The following EEFSEC variants were observed in gnomAD, a reference collection of about 807,000 sequenced individuals.
EEFSEC encodes the protein selenocysteine-specific elongation factor.
Under a neutral mutation model 42.1 loss-of-function variants are expected in EEFSEC, and 43 were observed. That is an observed-to-expected ratio of 1.02 (90% confidence interval 0.80 to 1.32). EEFSEC has a LOEUF of 1.32. Among genes scored for constraint, EEFSEC ranks in the 40% most tolerant of loss-of-function variants. EEFSEC has a pLI of 0.00. For missense variants in EEFSEC, 745 were observed against 803.6 expected (o/e 0.93, Z 0.88); for synonymous variants, 354 against 339.1 (o/e 1.04, Z -0.48).
chr3:128,169,378 A>G (rs1251427252), intron 1 of EEFSEC, among the ~76,000 whole-genome samples: 1 of 152,146 alleles, frequency 6.6e-6, no homozygotes, highest in Non-Finnish European at 1.5e-5. Flanking sequence ...TTGCAGGTAT[A>G]TTTGGACAGA....
intron 1 of EEFSEC, among the ~76,000 whole-genome samples, chr3:128,159,936 A>G (rs543415610): frequency 2.2e-4 from 33 of 152,336 alleles, no homozygotes; most frequent in African/African-American, 7.7e-4. Context: ...GTCCTCTGCT[A>G]GAATGTGAGC....
At chr3:128,178,368 A>T (rs774351757) in intron 1 of EEFSEC, among the ~76,000 whole-genome samples, 3 of 152,210 alleles carry the variant, frequency 2.0e-5, no homozygotes, top group Non-Finnish European at 4.4e-5. Flanking sequence ...GGCTGAGGAA[A>T]AGCACTAGAA....
intron 1 of EEFSEC, among the ~76,000 whole-genome samples, chr3:128,154,418 A>G (rs532297012): frequency 6.6e-6 from 1 of 151,312 alleles, no homozygotes; most frequent in South Asian, 2.1e-4. Context: ...ATAGAATTCA[A>G]CTGCACCCTT....
chr3:128,234,477 A>G (rs1352252648), intron 1 of EEFSEC, among the ~76,000 whole-genome samples: 1 of 152,212 alleles, frequency 6.6e-6, no homozygotes, highest in Non-Finnish European at 1.5e-5. Context: ...CCATCCTTGC[A>G]TACGACAGCA....
At chr3:128,325,494 T>C (rs2067054232) in intron 4 of EEFSEC, among the ~76,000 whole-genome samples, 1 of 152,226 alleles carries the variant, frequency 6.6e-6, no homozygotes, top group African/African-American at 2.4e-5. Flanking sequence ...GTAGAAGGCC[T>C]GTTCTGCAGC....
At chr3:128,155,657 G>A (rs1944366653) in intron 1 of EEFSEC, among the ~76,000 whole-genome samples, 1 of 152,130 alleles carries the variant, frequency 6.6e-6, no homozygotes, top group Non-Finnish European at 1.5e-5. Flanking sequence ...GCCACACATG[G>A]GAATATATAT....
intron 1 of EEFSEC, among the ~76,000 whole-genome samples, chr3:128,169,313 G>T (rs576173477): frequency 2.6e-5 from 4 of 152,318 alleles, no homozygotes; most frequent in Admixed American, 2.0e-4. Context: ...GACATCTCCT[G>T]GGGCTAGCTA....
chr3:128,337,204 T>G (rs1330956195), intron 4 of EEFSEC: 3 of 152,236 alleles, frequency 2.0e-5, no homozygotes, highest in African/African-American at 7.2e-5. Flanking sequence ...GGCAATGCTG[T>G]CTGCATGCGC....
intron 4 of EEFSEC, among the ~76,000 whole-genome samples, chr3:128,288,919 G>T: frequency 6.6e-6 from 1 of 152,220 alleles, no homozygotes; most frequent in East Asian, 1.9e-4. Flanking sequence ...GGTGCCTGGA[G>T]GTATAGGGCT....
rs34027926 is a variant in EEFSEC at position 128,182,312 on chromosome 3, CAAAA to C, written c.316+28502_316+28505del. Among the ~76,000 whole-genome samples, 18 of 109,074 alleles carry C rather than the reference CAAAA, an allele frequency of 1.7e-4. No individual in the cohort carries two copies. In the East Asian group the frequency reaches 4.9e-3, roughly 30 times the overall value. 71.6% of individuals were successfully genotyped at this position (109,074 alleles called of 152,430 possible). Reference sequence around the variant, plus strand: ...GACTCAGACAGGTTAAGTAACTATCCAAAAAAAAAAAAAAAATTCTGTAGTAAGA... The same window carrying C: ...GACTCAGACAGGTTAAGTAACTATCCAAAAAAAAAAAATTCTGTAGTAAGA... On this transcript the variant is annotated intron_variant, in intron 1 of 6. Coordinates refer to ENST00000254730, the MANE Select transcript of EEFSEC (RefSeq NM_021937.5).
At chr3:128,209,326 A>C (rs1001365728) in intron 1 of EEFSEC, among the ~76,000 whole-genome samples, 5 of 152,260 alleles carry the variant, frequency 3.3e-5, no homozygotes, top group African/African-American at 1.2e-4. Flanking sequence ...CAGCTCCTGC[A>C]GAGGCATGAA....
chr3:128,389,193 C>CG (rs1467809785), intron 6 of EEFSEC, among the ~76,000 whole-genome samples: 1 of 152,192 alleles, frequency 6.6e-6, no homozygotes, highest in Non-Finnish European at 1.5e-5. Flanking sequence ...AAGGAGGGAG[C>CG]GCAGACATCT....
intron 4 of EEFSEC, among the ~76,000 whole-genome samples, chr3:128,293,749 T>G (rs1237581690): frequency 6.6e-6 from 1 of 151,532 alleles, no homozygotes; most frequent in East Asian, 1.9e-4. Flanking sequence ...TGCCTTAGAA[T>G]GCCCTTTGTC....
the EEFSEC span, among the ~76,000 whole-genome samples, chr3:128,422,088 G>A: frequency 5.9e-5 from 9 of 152,124 alleles, no homozygotes; most frequent in African/African-American, 1.9e-4. Flanking sequence ...TGAACCCTCT[G>A]GGGGGTCCCA....
chr3:128,397,172 C>A (rs11917751), intron 6 of EEFSEC, among the ~76,000 whole-genome samples: 1,649 of 152,334 alleles, frequency 0.011, 21 homozygotes, highest in African/African-American at 0.038. Context: ...GATCCCACAC[C>A]CTTGTCTCTT....
chr3:128,212,351 T>C (rs1433697791), intron 1 of EEFSEC, among the ~76,000 whole-genome samples: 1 of 152,222 alleles, frequency 6.6e-6, no homozygotes, highest in East Asian at 1.9e-4. Context: ...GTGAACTTCA[T>C]GTGTTGCTCC....
At chr3:128,261,983 G>C in intron 2 of EEFSEC, 145 bp from the exon 3 acceptor site, 1 of 742,156 alleles carries the variant, frequency 1.3e-6, no homozygotes, top group Middle Eastern at 3.4e-4. Flanking sequence ...TGCTAGTACA[G>C]TGGTGCTGTC....
chr3:128,348,257 T>TGTGTGTGTGC (rs1299953448), intron 5 of EEFSEC, among the ~76,000 whole-genome samples: 8 of 128,366 alleles, frequency 6.2e-5, no homozygotes, highest in African/African-American at 2.0e-4. Flanking sequence ...TGCATGCGTG[T>TGTGTGTGTGC]GTGTGTGTGT....
At chr3:128,425,501 C>T in the EEFSEC span, among the ~76,000 whole-genome samples, 1 of 152,230 alleles carries the variant, frequency 6.6e-6, no homozygotes, top group African/African-American at 2.4e-5. Context: ...GTGCTTCTCT[C>T]CCATAAGTAA....
Sources: allele counts gnomAD v4.1 joint callset (sites outside exome capture counted in the v4.1 genomes callset), GRCh38; gene constraint gnomAD v4.1.1; transcripts MANE v1.5; gene names NCBI Gene and HGNC (gene_info 2026-07-23, HGNC 2026-07-21).